The following FAXDC2 variants were observed in gnomAD, a reference collection of about 807,000 sequenced individuals.
FAXDC2 encodes fatty acid hydroxylase domain-containing protein 2.
FAXDC2 carries 41 observed loss-of-function variants against 40.9 expected under a neutral mutation model. The ratio of observed to expected loss-of-function variants is 1.00; its 90% CI spans 0.78 to 1.30. The LOEUF (loss-of-function observed/expected upper bound fraction) is 1.30. Ranked by LOEUF, FAXDC2 falls within the 50% of genes most tolerant of loss-of-function variation. FAXDC2 has a pLI of 0.00. For synonymous variants in FAXDC2, 157 were observed against 149.3 expected (o/e 1.05, Z -0.38); for missense variants, 390 against 408.8 (o/e 0.95, Z 0.40).
intron 4 of FAXDC2, among the ~76,000 whole-genome samples, chr5:154,832,302 C>T (rs962740587): frequency 6.6e-6 from 1 of 151,876 alleles, no homozygotes; most frequent in Non-Finnish European, 1.5e-5. Context: ...CAAGATCTGC[C>T]TCCCGGGTTC....
At chr5:154,849,768 C>T (rs1760686944) in intron 1 of FAXDC2, among the ~76,000 whole-genome samples, 1 of 152,182 alleles carries the variant, frequency 6.6e-6, no homozygotes, top group African/African-American at 2.4e-5. Context: ...AGCATCTTGT[C>T]TTGCTTGCCT....
At chr5:154,847,604 C>T (rs186422001) in intron 1 of FAXDC2, among the ~76,000 whole-genome samples, 78 of 151,168 alleles carry the variant, frequency 5.2e-4, no homozygotes, top group African/African-American at 1.9e-3. Context: ...TCTCCTGCCT[C>T]AGCCTCCTAA....
intron 1 of FAXDC2, among the ~76,000 whole-genome samples, chr5:154,841,926 C>T (rs941316861): frequency 4.6e-5 from 7 of 151,910 alleles, no homozygotes; most frequent in African/African-American, 1.4e-4. Context: ...TTAGTAGAGT[C>T]GGGGTTTTGC....
chr5:154,823,113 G>A (rs1389704633), intron 6 of FAXDC2, among the ~76,000 whole-genome samples: 1 of 152,170 alleles, frequency 6.6e-6, no homozygotes, highest in East Asian at 1.9e-4. Flanking sequence ...CCGGGCTCAT[G>A]TGATCCTCCC....
intron 7 of FAXDC2, chr5:154,822,051 T>C (rs1265806528): frequency 3.1e-5 from 5 of 163,412 alleles, no homozygotes; most frequent in African/African-American, 4.8e-5. Context: ...GATCATGCCA[T>C]TGCACTCCAG....
chr5:154,847,984 T>C (rs372501972), intron 1 of FAXDC2, among the ~76,000 whole-genome samples: 64 of 151,552 alleles, frequency 4.2e-4, no homozygotes, highest in Admixed American at 4.6e-4. Context: ...GGACCACAGG[T>C]GCCTGCCACC....
intron 5 of FAXDC2, chr5:154,824,837 C>G (rs894850176): frequency 1.9e-5 from 6 of 320,660 alleles, no homozygotes; most frequent in African/African-American, 1.1e-4. Flanking sequence ...ACCTGTAATC[C>G]CAGCACTTTG....
chr5:154,849,691 A>C (rs1310472641), intron 1 of FAXDC2, among the ~76,000 whole-genome samples: 1 of 152,204 alleles, frequency 6.6e-6, no homozygotes, highest in Admixed American at 6.5e-5. Flanking sequence ...AATTGAATTG[A>C]ATCTGTATAT....
chr5:154,821,641 TA>T (rs1759891993), intron 7 of FAXDC2, among the ~76,000 whole-genome samples: 1 of 152,022 alleles, frequency 6.6e-6, no homozygotes, highest in African/African-American at 2.4e-5. Flanking sequence ...TTAGCAAAAT[TA>T]AGATTAAAAA....
At chr5:154,849,435 T>C (rs1040656368) in intron 1 of FAXDC2, among the ~76,000 whole-genome samples, 11 of 152,098 alleles carry the variant, frequency 7.2e-5, no homozygotes, top group Non-Finnish European at 1.3e-4. Flanking sequence ...TGCATGTCCA[T>C]GAGGCCGAGA....
In FAXDC2 at chr5:154,830,901, A is replaced by G; in HGVS notation, c.266T>C (p.Leu89Pro). Residue 89 changes from leucine (L) to proline (P), a missense_variant, in exon 5 of 9, where the codon CTC becomes CCC. Transcript: ENST00000326080. The part of the protein sequence containing the change: ...FFIGAIQVPC[L>P]FFWSFNGLLL... ...AAGCCCATTGAAGCTCCAGAAGAAGAGACAAGGCACTTGGATGGCACCTGA... is the reference window on the plus strand; with the variant it reads ...AAGCCCATTGAAGCTCCAGAAGAAGGGACAAGGCACTTGGATGGCACCTGA... 1 of 1,614,162 alleles carries G rather than the reference A, an allele frequency of 6.2e-7. No individual in the cohort carries two copies. The highest frequency in any genetic ancestry group is 1.3e-5 in the African/African-American group (1 of 75,058).
intron 1 of FAXDC2, among the ~76,000 whole-genome samples, chr5:154,845,700 T>G (rs1048815245): frequency 4.6e-5 from 7 of 151,238 alleles, no homozygotes; most frequent in African/African-American, 1.7e-4. Flanking sequence ...GAAGTTGTAT[T>G]AGAGCTCATC....
rs1050741439 is a variant in FAXDC2 at position 154,819,654 on chromosome 5, T to C, written c.*662A>G. ...AGGGAGGAGCTCCTGGATTTCTTTT[T>C]CTCCCCCACAGAGGGAAACCTTTTG... On this transcript the variant is annotated 3_prime_UTR_variant, in exon 9 of 9. Transcript: ENST00000326080. 6.6e-6 allele frequency: 1 copy of C among 152,210 alleles called. No homozygotes were observed. Among genetic ancestry groups the C allele is most frequent in the African/African-American group, 2.4e-5 (1 of 41,388 alleles). The allele number at this position is 152,210 out of a possible 1,614,324, so 9.4% of individuals were successfully genotyped here.
intron 1 of FAXDC2, among the ~76,000 whole-genome samples, chr5:154,842,392 G>T (rs2113165608): frequency 7.0e-6 from 1 of 143,706 alleles, no homozygotes; most frequent in East Asian, 2.1e-4. Context: ...TTTTAGTAGA[G>T]ATGGGGTTTC....
chr5:154,848,123 G>A (rs1402429205), intron 1 of FAXDC2, among the ~76,000 whole-genome samples: 1 of 152,190 alleles, frequency 6.6e-6, no homozygotes, highest in Non-Finnish European at 1.5e-5. Context: ...ACAGGCGTGA[G>A]CCACCATGCC....
At chr5:154,845,618 T>A (rs1302246064) in intron 1 of FAXDC2, among the ~76,000 whole-genome samples, 1 of 151,804 alleles carries the variant, frequency 6.6e-6, no homozygotes, top group Admixed American at 6.6e-5. Context: ...TGGCTCATGC[T>A]GCAGCCTGGG....
At chr5:154,834,335 G>A (rs1282310724) in intron 4 of FAXDC2, among the ~76,000 whole-genome samples, 1 of 152,074 alleles carries the variant, frequency 6.6e-6, no homozygotes, top group African/African-American at 2.4e-5. Flanking sequence ...GGAATTAAGT[G>A]TAGAAACAGG....
intron 1 of FAXDC2, among the ~76,000 whole-genome samples, chr5:154,839,325 CAA>C (rs746822715): frequency 4.6e-4 from 43 of 92,734 alleles, no homozygotes; most frequent in Admixed American, 8.7e-4. Flanking sequence ...GACTCCATCT[CAA>C]AAAAAAAAAA....
At chr5:154,845,570 C>T (rs1189141680) in intron 1 of FAXDC2, among the ~76,000 whole-genome samples, 5 of 151,852 alleles carry the variant, frequency 3.3e-5, no homozygotes, top group African/African-American at 1.2e-4. Flanking sequence ...GCCCTATATC[C>T]ACAAAGTATT....
Sources: gnomAD v4.1 joint callset for allele counts (sites outside exome capture counted in the v4.1 genomes callset) on GRCh38, gnomAD v4.1.1 for gene constraint, MANE v1.5 for transcripts, NCBI Gene and HGNC (gene_info 2026-07-23, HGNC 2026-07-21) for gene names.